SHLD1: variants seen among roughly 807,000 people sequenced by gnomAD.
SHLD1 encodes RINN1-REV7-interacting novel NHEJ regulator 3.
In SHLD1, 3 loss-of-function variants were observed where a neutral mutation model predicts 5.5. The observed-to-expected ratio is 0.54, with a 90% CI of 0.25 to 1.40. The LOEUF (loss-of-function observed/expected upper bound fraction) is 1.40. Among genes scored for constraint, SHLD1 ranks in the 40% most tolerant of loss-of-function variants. The probability of loss-of-function intolerance (pLI) is 0.15; values close to 1 mark genes in which losing one functional copy is unlikely to be tolerated. For synonymous variants in SHLD1, 92 were observed against 94.3 expected (o/e 0.98, Z 0.14); for missense variants, 210 against 244.4 (o/e 0.86, Z 0.94).
chr20:5,817,386 G>A (rs1205468007), intron 2 of SHLD1, among the ~76,000 whole-genome samples: 2 of 124,044 alleles, frequency 1.6e-5, no homozygotes, highest in East Asian at 2.2e-4. Flanking sequence ...TTAAGCTCAC[G>A]GGATATTTTC....
intron 2 of SHLD1, 40 bp downstream of exon 2, chr20:5,773,083 C>G (rs1376556572): frequency 6.3e-7 from 1 of 1,599,408 alleles, no homozygotes; most frequent in East Asian, 2.2e-5. Flanking sequence ...TTAAAAACAA[C>G]TAGCAGCAAT....
rs61410814 is a variant in SHLD1 at position 5,850,151 on chromosome 20, T to TAA, written c.179-12873_179-12872insAA. Among the ~76,000 whole-genome samples the TAA allele has an allele frequency of 9.5e-5, 14 of 146,844 alleles. No individual in the cohort carries two copies. In the South Asian group the frequency reaches 2.1e-3, roughly 22 times the overall value. On this transcript the variant is annotated intron_variant, in intron 2 of 2. Transcript: ENST00000303142. ...ATAATAATAATAATAATAATAATAA[T>TAA]TAACTGAGACAACAGGCCTAAACCA...
intron 1 of SHLD1, among the ~76,000 whole-genome samples, chr20:5,754,258 G>A (rs1207237222): frequency 3.9e-5 from 6 of 152,018 alleles, no homozygotes; most frequent in African/African-American, 1.4e-4. Flanking sequence ...CTACAGGCAG[G>A]CACCACCATG....
intron 2 of SHLD1, among the ~76,000 whole-genome samples, chr20:5,862,138 T>C (rs1383812022): frequency 6.6e-6 from 1 of 152,224 alleles, no homozygotes; most frequent in Non-Finnish European, 1.5e-5. Context: ...TCTCTCCAAA[T>C]ATAGTCATGT....
At chr20:5,840,584 T>G (rs1313770604) in intron 2 of SHLD1, among the ~76,000 whole-genome samples, 1 of 152,204 alleles carries the variant, frequency 6.6e-6, no homozygotes, top group African/African-American at 2.4e-5. Context: ...CTTCCAGTTG[T>G]TAGTTTGGAG....
chr20:5,763,611 T>TC (rs1984603351), intron 1 of SHLD1, among the ~76,000 whole-genome samples: 1 of 152,166 alleles, frequency 6.6e-6, no homozygotes, highest in African/African-American at 2.4e-5. Context: ...ACCATACTCT[T>TC]CCTCTTTCCC....
intron 1 of SHLD1, among the ~76,000 whole-genome samples, chr20:5,759,923 T>A (rs1189387364): frequency 2.0e-5 from 3 of 152,018 alleles, no homozygotes; most frequent in Non-Finnish European, 2.9e-5. Context: ...TTTTCCAGAT[T>A]CATCAGTTAT....
chr20:5,859,318 T>C (rs2088130425), intron 2 of SHLD1, among the ~76,000 whole-genome samples: 1 of 152,172 alleles, frequency 6.6e-6, no homozygotes, highest in Non-Finnish European at 1.5e-5. Flanking sequence ...ATTTGGGAGA[T>C]GGACCATTCT....
chr20:5,863,646 G>T lies in SHLD1; in HGVS notation c.*183G>T. 3.4e-6 allele frequency: 2 copies of T among 596,628 alleles called. No homozygotes were observed. The highest frequency in any genetic ancestry group is 5.0e-5 in the South Asian group (2 of 39,794). The allele number at this position is 596,628 out of a possible 1,614,324, so 37.0% of individuals were successfully genotyped here. A position where few individuals can be genotyped will look rare whatever the true frequency, so the allele number is the denominator to read the frequency against. ...TGGAGCCAGTCAGCCCATATGGAGA[G>T]CCAGCAGGGTCTGGGAGTTCTCCGT... On this transcript the variant is annotated 3_prime_UTR_variant, in exon 3 of 3. Coordinates refer to ENST00000303142, the MANE Select transcript of SHLD1 (RefSeq NM_152504.4).
At chr20:5,776,623 C>T (rs1985440685) in intron 2 of SHLD1, among the ~76,000 whole-genome samples, 1 of 151,860 alleles carries the variant, frequency 6.6e-6, no homozygotes, top group African/African-American at 2.4e-5. Context: ...ATTAGCCGGG[C>T]GTGGTGGCAG....
At chr20:5,802,787 C>T (rs904733202) in intron 2 of SHLD1, among the ~76,000 whole-genome samples, 1 of 152,018 alleles carries the variant, frequency 6.6e-6, no homozygotes, top group African/African-American at 2.4e-5. Flanking sequence ...GCTGGGACTA[C>T]ACATGTGCGC....
At chr20:5,772,035 T>G (rs1283395476) in intron 1 of SHLD1, 1 of 409,556 alleles carries the variant, frequency 2.4e-6, no homozygotes, top group Non-Finnish European at 4.9e-6. Flanking sequence ...CCACCAAGCC[T>G]GGCTAAATTT....
At chr20:5,816,089 G>GAAAAAAAAAAAAAAA (rs141881349) in intron 2 of SHLD1, among the ~76,000 whole-genome samples, 153 of 84,826 alleles carry the variant, frequency 1.8e-3, no homozygotes, top group East Asian at 2.3e-3. Context: ...TCAAAAAAAC[G>GAAAAAAAAAAAAAAA]AAAAAAAAAA....
chr20:5,771,555 C>T (rs948271247), intron 1 of SHLD1, among the ~76,000 whole-genome samples: 7 of 152,028 alleles, frequency 4.6e-5, no homozygotes, highest in African/African-American at 1.4e-4. Context: ...ATCTTCCACG[C>T]ACAAATGTAA....
chr20:5,754,464 G>C (rs989673872), intron 1 of SHLD1, among the ~76,000 whole-genome samples: 2 of 152,108 alleles, frequency 1.3e-5, no homozygotes, highest in Admixed American at 6.6e-5. Flanking sequence ...ACTCCAAAAA[G>C]AGGTGGTTAT....
chr20:5,774,994 T>G (rs1160258599), intron 2 of SHLD1, among the ~76,000 whole-genome samples: 1 of 152,168 alleles, frequency 6.6e-6, no homozygotes, highest in Non-Finnish European at 1.5e-5. Flanking sequence ...CAACAGCATT[T>G]CTTAGAATGA....
At chr20:5,859,628 C>G (rs904824421) in intron 2 of SHLD1, among the ~76,000 whole-genome samples, 1 of 152,194 alleles carries the variant, frequency 6.6e-6, no homozygotes. Context: ...GAAATGGTGA[C>G]ATCCAAAAGC....
At chr20:5,774,811 A>G (rs2122249002) in intron 2 of SHLD1, among the ~76,000 whole-genome samples, 1 of 152,320 alleles carries the variant, frequency 6.6e-6, no homozygotes, top group Middle Eastern at 3.4e-3. Context: ...ACATTTCGGC[A>G]GGGACACAAA....
chr20:5,784,600 G>A (rs903970376), intron 2 of SHLD1, among the ~76,000 whole-genome samples: 32 of 151,854 alleles, frequency 2.1e-4, no homozygotes, highest in South Asian at 1.0e-3. Context: ...ACAGGCGCCC[G>A]CCACCACGCC....
Sources: allele counts gnomAD v4.1 joint callset (sites outside exome capture counted in the v4.1 genomes callset), GRCh38; gene constraint gnomAD v4.1.1; transcripts MANE v1.5; gene names NCBI Gene and HGNC (gene_info 2026-07-23, HGNC 2026-07-21).